ZC3H18: variants seen among roughly 807,000 people sequenced by gnomAD.
ZC3H18 encodes the protein zinc finger CCCH domain-containing protein 18.
A neutral mutation model predicts 106.1 loss-of-function variants in ZC3H18; 8 were observed. The observed-to-expected ratio is 0.08, with a 90% CI of 0.04 to 0.14. ZC3H18 has a LOEUF of 0.14. Among genes scored for constraint, ZC3H18 ranks in the 10% least tolerant of loss-of-function variants. The probability of loss-of-function intolerance (pLI) is 1.00; values close to 1 mark genes in which losing one functional copy is unlikely to be tolerated. For missense variants in ZC3H18, 1,318 were observed against 1,278.4 expected (o/e 1.03, Z -0.47); for synonymous variants, 635 against 522.1 (o/e 1.22, Z -2.95).
In ZC3H18 at chr16:88,631,249, G is replaced by A; in HGVS notation, c.2812G>A (p.Val938Met). Residue 938 changes from valine (V) to methionine (M), a missense_variant, in exon 18 of 18, where the codon GTG (valine) becomes ATG (methionine). Physicochemically the swap from Val to Met is conservative, Grantham distance 21 (BLOSUM62 1). Transcript: ENST00000301011. Reference sequence around the variant, plus strand: ...GGAGCTGCTGAAACAGCTGAAGGCCGTGGAGGATGCTATTGCACGCAAGCG... The same window carrying A: ...GGAGCTGCTGAAACAGCTGAAGGCCATGGAGGATGCTATTGCACGCAAGCG... The part of the protein sequence containing the change: ...REELLKQLKA[V>M]EDAIARKRAK... 6.2e-7 allele frequency: 1 copy of A among 1,611,288 alleles called. No individual in the cohort carries two copies. Among genetic ancestry groups the A allele is most frequent in the Non-Finnish European group, 8.5e-7 (1 of 1,179,002 alleles).
chr16:88,585,979 A>T (rs1373032493), intron 2 of ZC3H18, among the ~76,000 whole-genome samples: 1 of 152,046 alleles, frequency 6.6e-6, no homozygotes, highest in African/African-American at 2.4e-5. Flanking sequence ...CGTCCGTGGG[A>T]ACAGGCCCTG....
At chr16:88,617,672 C>T (rs936499417) in intron 8 of ZC3H18, among the ~76,000 whole-genome samples, 2 of 152,226 alleles carry the variant, frequency 1.3e-5, no homozygotes, top group Non-Finnish European at 2.9e-5. Context: ...TTGGCAGGCT[C>T]CTGCGGTGGG....
intron 2 of ZC3H18, among the ~76,000 whole-genome samples, chr16:88,580,912 T>C (rs1008663642): frequency 6.6e-6 from 1 of 152,228 alleles, no homozygotes; most frequent in Non-Finnish European, 1.5e-5. Context: ...GAAGAATTAC[T>C]CTCTTTGGCC....
rs559902797 is a variant in ZC3H18 at position 88,574,077 on chromosome 16, T to G, written c.-14-3033T>G. Among the ~76,000 whole-genome samples, 35 of 152,106 alleles carry G rather than the reference T, an allele frequency of 2.3e-4. 1 individual carries two copies. The highest frequency in any genetic ancestry group is 4.4e-4 in the Non-Finnish European group (30 of 67,898). ...TTTAGTAGAGACAAGGTTTCACCAT[T>G]TTGACCGGGCTTGTCCTGAACTCCT... On this transcript the variant is annotated intron_variant, in intron 1 of 17. Transcript: ENST00000301011.
chr16:88,604,678 T>TC (rs1457476371), intron 6 of ZC3H18, among the ~76,000 whole-genome samples: 1 of 151,938 alleles, frequency 6.6e-6, no homozygotes, highest in Non-Finnish European at 1.5e-5. Flanking sequence ...AGAGCAAGAC[T>TC]CCATCTCAAA....
intron 3 of ZC3H18, among the ~76,000 whole-genome samples, chr16:88,592,109 C>T (rs1915792003): frequency 6.6e-6 from 1 of 152,238 alleles, no homozygotes; most frequent in African/African-American, 2.4e-5. Flanking sequence ...CTGTCTTCCA[C>T]AGTGGCTGTG....
chr16:88,616,870 G>A (rs1905640690), intron 8 of ZC3H18, among the ~76,000 whole-genome samples: 1 of 152,158 alleles, frequency 6.6e-6, no homozygotes, highest in Non-Finnish European at 1.5e-5. Context: ...GGCCTTGCAT[G>A]GGGGCTACAC....
At chr16:88,600,658 C>A (rs1018440790) in intron 6 of ZC3H18, among the ~76,000 whole-genome samples, 2 of 152,176 alleles carry the variant, frequency 1.3e-5, no homozygotes, top group Non-Finnish European at 2.9e-5. Context: ...AGTGATCCAC[C>A]CACGCCTGCC....
At chr16:88,625,929 G>A (rs1241417965) in intron 13 of ZC3H18, 1 of 147,984 alleles carries the variant, frequency 6.8e-6, no homozygotes, top group African/African-American at 2.5e-5. Flanking sequence ...CCGCCTCCCG[G>A]ATTCAACCTC....
At chr16:88,571,043 G>A (rs1914371889) in intron 1 of ZC3H18, among the ~76,000 whole-genome samples, 1 of 152,178 alleles carries the variant, frequency 6.6e-6, no homozygotes, top group Non-Finnish European at 1.5e-5. Flanking sequence ...GCACAGGTTG[G>A]GCGCAGTGAT....
rs1904550654 is a variant in ZC3H18 at position 88,598,230 on chromosome 16, C to T, written c.741C>T (p.Asp247=). The part of the protein sequence containing the change: ...NCRFIHPGVN[D]KGNYSLITKA... ...GGTTTATACACCCTGGAGTGAACGA[C>T]AAGGGGAACTACTCCCTAATCACCA... The change falls in exon 4 of 18, where the codon GAC becomes GAT. Residue 247 remains aspartate, a synonymous_variant. Coordinates refer to ENST00000301011, the MANE Select transcript of ZC3H18 (RefSeq NM_144604.4). The T allele has an allele frequency of 1.2e-6, 2 of 1,613,894 alleles. No homozygotes were observed. The highest frequency in any genetic ancestry group is 1.7e-6 in the Non-Finnish European group (2 of 1,179,920).
chr16:88,597,207 C>G (rs1320685571), intron 3 of ZC3H18, among the ~76,000 whole-genome samples: 1 of 152,222 alleles, frequency 6.6e-6, no homozygotes, highest in Non-Finnish European at 1.5e-5. Context: ...TGTGTGATCT[C>G]TGAAATGCTT....
At chr16:88,610,082 C>G (rs1329421292) in intron 7 of ZC3H18, among the ~76,000 whole-genome samples, 1 of 152,140 alleles carries the variant, frequency 6.6e-6, no homozygotes, top group Non-Finnish European at 1.5e-5. Context: ...CCTGCTGCAC[C>G]TCACTGCTCT....
chr16:88,623,462 A>G, intron 10 of ZC3H18, 118 bp downstream of exon 10: 1 of 1,378,080 alleles, frequency 7.3e-7, no homozygotes, highest in Non-Finnish European at 9.8e-7. Flanking sequence ...CCCTGCTGGC[A>G]GCTGAACTAG....
At chr16:88,589,529 C>T (rs1245576569) in intron 3 of ZC3H18, among the ~76,000 whole-genome samples, 1 of 152,198 alleles carries the variant, frequency 6.6e-6, no homozygotes, top group African/African-American at 2.4e-5. Context: ...ACTTTGAAGA[C>T]GTGCTGAGTG....
At position 88,631,190 on chromosome 16, in the gene ZC3H18, A is replaced by C; in HGVS notation, c.2753A>C (p.Lys918Thr). The C allele has an allele frequency of 3.1e-6, 5 of 1,613,596 alleles. No homozygotes were observed. The highest frequency in any genetic ancestry group is 4.2e-6 in the Non-Finnish European group (5 of 1,179,982). The change falls in exon 18 of 18, where the codon AAA (lysine) becomes ACA (threonine). Residue 918 changes from lysine to threonine, a missense_variant. By Grantham distance (78) the Lys-to-Thr change is moderately conservative. Transcript: ENST00000301011. Reference protein sequence around the residue: ...KASDPGAASTKSGKASTLSRR... With the variant: ...KASDPGAASTTSGKASTLSRR... ...TCGGATCCCGGCGCCGCCAGCACCA[A>C]ATCAGGGAAGGCCAGCACGCTGTCT...
At position 88,630,492 on chromosome 16, in the gene ZC3H18, G is replaced by A; in HGVS notation, c.2574G>A (p.Arg858=). The A allele has an allele frequency of 6.2e-7, 1 of 1,613,288 alleles. No homozygotes were observed. Among genetic ancestry groups the A allele is most frequent in the South Asian group, 1.1e-5 (1 of 90,832 alleles). ...RPNTSPDRGS[R]DRKSGGRLGS... is the part of the protein sequence containing the mutation. ...TCTGTACCTATCACCCAGGTTCTCG[G>A]GACCGGAAGTCAGGTGGGAGACTGG... The change falls in exon 17 of 18, where the codon CGG becomes CGA. Residue 858 remains arginine, a synonymous_variant. Coordinates refer to ENST00000301011, the MANE Select transcript of ZC3H18 (RefSeq NM_144604.4).
intron 3 of ZC3H18, among the ~76,000 whole-genome samples, chr16:88,597,034 C>T (rs1166328932): frequency 2.0e-5 from 3 of 152,208 alleles, no homozygotes; most frequent in Admixed American, 6.5e-5. Flanking sequence ...CATTCTCCTG[C>T]TTCAGCCTCC....
intron 8 of ZC3H18, among the ~76,000 whole-genome samples, chr16:88,615,756 T>G (rs2142768743): frequency 6.6e-6 from 1 of 152,340 alleles, no homozygotes; most frequent in South Asian, 2.1e-4. Flanking sequence ...TGGTGGCTTA[T>G]GGGCACACGT....
Sources: gnomAD v4.1 joint callset for allele counts (sites outside exome capture counted in the v4.1 genomes callset) on GRCh38, gnomAD v4.1.1 for gene constraint, MANE v1.5 for transcripts, NCBI Gene and HGNC (gene_info 2026-07-23, HGNC 2026-07-21) for gene names.